ME3: variants seen among roughly 807,000 people sequenced by gnomAD.
ME3 encodes NADP-dependent malic enzyme, mitochondrial.
In ME3, 48 loss-of-function variants were observed where a neutral mutation model predicts 68.9. The ratio of observed to expected loss-of-function variants is 0.70; its 90% CI spans 0.55 to 0.89. The LOEUF (loss-of-function observed/expected upper bound fraction) is 0.89. Ranked by LOEUF, ME3 falls within the 40% of genes least tolerant of loss-of-function variation. The pLI, the probability that ME3 is intolerant of heterozygous loss-of-function variation, is 0.00. For missense variants in ME3, 675 were observed against 797.4 expected (o/e 0.85, Z 1.85); for synonymous variants, 320 against 318.8 (o/e 1.00, Z -0.04).
intron 2 of ME3, among the ~76,000 whole-genome samples, chr11:86,570,444 T>A (rs771495783): frequency 2.6e-5 from 4 of 152,106 alleles, no homozygotes; most frequent in Non-Finnish European, 4.4e-5. Flanking sequence ...AGACAGGAAA[T>A]GTGATTACTG....
intron 2 of ME3, among the ~76,000 whole-genome samples, chr11:86,647,064 G>A (rs534896923): frequency 6.6e-6 from 1 of 152,228 alleles, no homozygotes; most frequent in South Asian, 2.1e-4. Context: ...CTAAATACAG[G>A]AAGGAAAAAC....
rs530426691 is a variant in ME3 at position 86,645,077 on chromosome 11, A to T, written c.183+26685T>A. ...GTCTTTGCAACCCGCAGACCAGGAGATTCCCTCGGGTGCCTACACCACCAG... is the reference window on the plus strand; with the variant it reads ...GTCTTTGCAACCCGCAGACCAGGAGTTTCCCTCGGGTGCCTACACCACCAG... On this transcript the variant is annotated intron_variant, in intron 2 of 14. Transcript: ENST00000543262. Among the ~76,000 whole-genome samples, 56 of 152,316 alleles carry T rather than the reference A, an allele frequency of 3.7e-4. No homozygotes were observed. The South Asian group carries it at 0.011, about 29-fold the overall frequency.
rs184050415 is a variant in ME3 at position 86,509,551 on chromosome 11, G to A, written c.468-684C>T. Among the ~76,000 whole-genome samples the A allele has an allele frequency of 5.9e-5, 9 of 152,350 alleles. No homozygotes were observed. In the East Asian group the frequency reaches 1.7e-3, roughly 29 times the overall value. On this transcript the variant is annotated intron_variant, in intron 4 of 14. Transcript: ENST00000543262. ...GTTTGCAGCTTTTTGCCTGAAGGCA[G>A]TCCAATCTGCAGGCAACTTGGGGCA...
exon 13 of ME3, chr11:86,446,399 G>A: frequency 6.2e-7 from 1 of 1,614,158 alleles, no homozygotes. Flanking sequence ...GAACACGTAA[G>A]CATTGTTTCC....
intron 4 of ME3, among the ~76,000 whole-genome samples, chr11:86,542,482 A>T (rs1037437358): frequency 5.3e-5 from 8 of 152,244 alleles, no homozygotes; most frequent in Admixed American, 6.5e-5. Context: ...GACCTGAAAC[A>T]CACAGCATGA....
chr11:86,626,999 T>C (rs7118187), intron 2 of ME3, among the ~76,000 whole-genome samples: 26,930 of 151,994 alleles, frequency 0.18, 2,841 homozygotes, highest in East Asian at 0.31. Flanking sequence ...GACAGGAGAA[T>C]TTAGAGGTGG....
Position 86,583,568 on chromosome 11 carries a change from T to A in ME3, c.184-23745A>T, listed in dbSNP as rs559192036. Reference sequence around the variant, plus strand: ...ATAAATAATCACCCAATTAATTAATTCATTCGAAGAAATACTACAAAGCAG... The same window carrying A: ...ATAAATAATCACCCAATTAATTAATACATTCGAAGAAATACTACAAAGCAG... On this transcript the variant is annotated intron_variant, in intron 2 of 14. Transcript: ENST00000543262. Among the ~76,000 whole-genome samples, 3 of 152,280 alleles carry A rather than the reference T, an allele frequency of 2.0e-5. No homozygotes were observed. In the South Asian group the frequency reaches 6.2e-4, roughly 32 times the overall value.
At chr11:86,521,196 A>G (rs987824376) in intron 4 of ME3, among the ~76,000 whole-genome samples, 1 of 152,128 alleles carries the variant, frequency 6.6e-6, no homozygotes, top group Non-Finnish European at 1.5e-5. Context: ...GATTGAGACC[A>G]TCCTGGCTAA....
At chr11:86,668,335 A>T (rs893440323) in intron 2 of ME3, 1 of 152,188 alleles carries the variant, frequency 6.6e-6, no homozygotes, top group African/African-American at 2.4e-5. Context: ...TTACATGCTG[A>T]CCTGATAAAA....
chr11:86,501,158 A>G (rs1335861518), intron 5 of ME3, among the ~76,000 whole-genome samples: 2 of 143,134 alleles, frequency 1.4e-5, no homozygotes, highest in Non-Finnish European at 3.0e-5. Context: ...CTGAGCTTCA[A>G]TTCTCCATAA....
At chr11:86,587,514 C>T (rs934098736) in intron 2 of ME3, among the ~76,000 whole-genome samples, 10 of 152,232 alleles carry the variant, frequency 6.6e-5, no homozygotes, top group Non-Finnish European at 1.3e-4. Flanking sequence ...GTCCAACCCT[C>T]TGGGTAAATT....
intron 2 of ME3, among the ~76,000 whole-genome samples, chr11:86,650,388 A>G (rs990063925): frequency 2.0e-5 from 3 of 152,238 alleles, no homozygotes; most frequent in Admixed American, 2.0e-4. Context: ...CATTCAGTAC[A>G]TACGTATGGG....
At chr11:86,567,296 GA>G (rs1375496695) in intron 2 of ME3, among the ~76,000 whole-genome samples, 3 of 151,238 alleles carry the variant, frequency 2.0e-5, no homozygotes, top group South Asian at 2.1e-4. Flanking sequence ...AAGAGTGAAT[GA>G]AAGTTAGACT....
chr11:86,592,674 A>G (rs1959127855), intron 2 of ME3, among the ~76,000 whole-genome samples: 1 of 152,210 alleles, frequency 6.6e-6, no homozygotes, highest in African/African-American at 2.4e-5. Context: ...AAGGGTTACT[A>G]CTTAAGCCAG....
At chr11:86,545,942 C>T (rs1261710096) in intron 4 of ME3, among the ~76,000 whole-genome samples, 1 of 152,196 alleles carries the variant, frequency 6.6e-6, no homozygotes, top group Non-Finnish European at 1.5e-5. Context: ...ACCAAAATAG[C>T]ATGGTACTGG....
At chr11:86,467,706 C>CACACAA (rs1950561411) in intron 7 of ME3, among the ~76,000 whole-genome samples, 1 of 151,852 alleles carries the variant, frequency 6.6e-6, no homozygotes, top group Admixed American at 6.6e-5. Context: ...CACACACACA[C>CACACAA]ACACACCCCT....
intron 7 of ME3, among the ~76,000 whole-genome samples, chr11:86,485,668 A>ACCACGTCCTCCCATTCTCTCCCCTTTT (rs1951642864): frequency 1.3e-5 from 2 of 151,828 alleles, no homozygotes; most frequent in Non-Finnish European, 2.9e-5. Flanking sequence ...CCTCCCCTTT[A>ACCACGTCCTCCCATTCTCTCCCCTTTT]CCACGTCCTC....
chr11:86,612,257 G>A (rs1942637260), intron 2 of ME3, among the ~76,000 whole-genome samples: 1 of 152,150 alleles, frequency 6.6e-6, no homozygotes, highest in Admixed American at 6.5e-5. Flanking sequence ...CCTTTTTATA[G>A]CCACATAGTA....
chr11:86,638,669 T>C (rs1945141), intron 2 of ME3, among the ~76,000 whole-genome samples: 12,479 of 152,268 alleles, frequency 0.082, 561 homozygotes, highest in Non-Finnish European at 0.11. Flanking sequence ...AGATATTGTG[T>C]TAAACAAGCA....
Sources: allele counts gnomAD v4.1 joint callset (sites outside exome capture counted in the v4.1 genomes callset), GRCh38; gene constraint gnomAD v4.1.1; transcripts MANE v1.5; gene names NCBI Gene and HGNC (gene_info 2026-07-23, HGNC 2026-07-21).